Variants in STAB1 observed in about 807,000 individuals in gnomAD.
STAB1 encodes stabilin 1.
A neutral mutation model predicts 332.4 loss-of-function variants in STAB1; 250 were observed. The ratio of observed to expected loss-of-function variants is 0.75; its 90% CI spans 0.68 to 0.84. STAB1 has a LOEUF of 0.84. STAB1 is among the 40% of genes least tolerant of loss of function. STAB1 has a pLI of 0.00. For synonymous variants in STAB1, 1,475 were observed against 1,390.4 expected (o/e 1.06, Z -1.35); for missense variants, 3,249 against 3,489.7 (o/e 0.93, Z 1.74).
Position 52,508,138 on chromosome 3 carries a change from C to T in STAB1, c.2148+112C>T, listed in dbSNP as rs1329551886. On this transcript the variant is annotated intron_variant, in intron 20 of 68. Coordinates refer to ENST00000321725, the MANE Select transcript of STAB1 (RefSeq NM_015136.3). Reference sequence around the variant, plus strand: ...CCTCCCTCAGAGGATGCACTGCAGCCTGACGGTGGAAAAGGGGTCCCAGAG... The same window carrying T: ...CCTCCCTCAGAGGATGCACTGCAGCTTGACGGTGGAAAAGGGGTCCCAGAG... 7.6e-5 allele frequency: 104 copies of T among 1,370,934 alleles called. No homozygotes were observed. The East Asian group carries it at 2.3e-3, about 31-fold the overall frequency. The allele number at this position is 1,370,934 out of a possible 1,614,324, so 84.9% of individuals were successfully genotyped here.
Position 52,514,204 on chromosome 3 carries a change from C to T in STAB1, c.3537C>T (p.Ser1179=). 6.2e-7 allele frequency: 1 copy of T among 1,613,172 alleles called. No homozygotes were observed. The highest frequency in any genetic ancestry group is 1.3e-5 in the African/African-American group (1 of 75,046). ...GCTCCCTGGAGGCCCAGGGCAACAG[C>T]AGTCACCTGGTGAGGCCGTGGGGAT... ...TNRSLEAQGN[S]SHLDADTVRH... Residue 1179 remains serine (S), a synonymous_variant, in exon 33 of 69, where the codon AGC becomes AGT. Coordinates refer to ENST00000321725, the MANE Select transcript of STAB1 (RefSeq NM_015136.3).
chr3:52,504,637 A>G lies in STAB1; in HGVS notation c.1239+88A>G, dbSNP rs1708709932. ...CAGTCTTCAGGGCCACCTGGAAGGCATCAGGGCCTGGGATGCATCCTGTCC... is the reference window on the plus strand; with the variant it reads ...CAGTCTTCAGGGCCACCTGGAAGGCGTCAGGGCCTGGGATGCATCCTGTCC... On this transcript the variant is annotated intron_variant, in intron 11 of 68. Coordinates refer to ENST00000321725, the MANE Select transcript of STAB1 (RefSeq NM_015136.3). The G allele has an allele frequency of 1.9e-6, 3 of 1,611,930 alleles. No homozygotes were observed. The East Asian group carries it at 6.7e-5, about 36-fold the overall frequency.
Position 52,518,755 on chromosome 3 carries a change from G to A in STAB1, c.4920G>A (p.Gln1640=), listed in dbSNP as rs370087254. The change falls in exon 48 of 69, where the codon CAG becomes CAA. Residue 1640 remains glutamine (Q), a synonymous_variant. Coordinates refer to ENST00000321725, the MANE Select transcript of STAB1 (RefSeq NM_015136.3). The part of the protein sequence containing the change: ...DELARIRAHR[Q]LVFRYHVVGC... ...TGGCCCGGATTCGTGCGCATCGCCA[G>A]CTGGTGTTTCGCTACCACGTGGTTG... The A allele has an allele frequency of 9.3e-6, 15 of 1,612,566 alleles. No homozygotes were observed. Among genetic ancestry groups the A allele is most frequent in the Non-Finnish European group, 1.2e-5 (14 of 1,179,826 alleles).
In STAB1 at chr3:52,519,486, T is replaced by G. The variant is rs768318110; in HGVS notation, c.5176-19T>G. 6.2e-7 allele frequency: 1 copy of G among 1,613,094 alleles called. No individual in the cohort carries two copies. Among genetic ancestry groups the G allele is most frequent in the South Asian group, 1.1e-5 (1 of 91,092 alleles). ...TCCCTTCCCGCCTGGCCTAGCTGTTTATGAGAGCCTTTCCTCAGAGAAATG... is the reference window on the plus strand; with the variant it reads ...TCCCTTCCCGCCTGGCCTAGCTGTTGATGAGAGCCTTTCCTCAGAGAAATG... On this transcript the variant is annotated intron_variant, in intron 49 of 68. Transcript: ENST00000321725.
chr3:52,497,394 G>A (rs568145649), intron 1 of STAB1, among the ~76,000 whole-genome samples: 16 of 144,162 alleles, frequency 1.1e-4, no homozygotes, highest in Non-Finnish European at 1.8e-4. Context: ...TAGATTATAT[G>A]TGAATTCGAT....
chr3:52,518,425 C>A (rs1318889612), intron 46 of STAB1, 66 bp downstream of exon 46: 9 of 1,585,948 alleles, frequency 5.7e-6, no homozygotes, highest in Non-Finnish European at 7.7e-6. Flanking sequence ...CTGTCCCCAT[C>A]TGGTCAGGGG....
At position 52,503,325 on chromosome 3, in the gene STAB1, T is replaced by G; in HGVS notation, c.695-19T>G. The G allele has an allele frequency of 6.3e-7, 1 of 1,594,510 alleles. No homozygotes were observed. Among genetic ancestry groups the G allele is most frequent in the Non-Finnish European group, 8.6e-7 (1 of 1,168,788 alleles). On this transcript the variant is annotated intron_variant, in intron 7 of 68. Transcript: ENST00000321725. ...TCCTGGGTGCTTGGCTCACTTGGGCTCTCTCTCTGCCCTGGCAGCCCCCAA... is the reference window on the plus strand; with the variant it reads ...TCCTGGGTGCTTGGCTCACTTGGGCGCTCTCTCTGCCCTGGCAGCCCCCAA...
At position 52,521,463 on chromosome 3, in the gene STAB1, C is replaced by A; in HGVS notation, c.6011C>A (p.Thr2004Lys). 6 of 1,614,042 alleles carry A rather than the reference C, an allele frequency of 3.7e-6. No homozygotes were observed. Among genetic ancestry groups the A allele is most frequent in the Non-Finnish European group, 5.1e-6 (6 of 1,180,026 alleles). Residue 2004 changes from threonine to lysine, a missense_variant, in exon 56 of 69, where the codon ACA (threonine) becomes AAA (lysine). By Grantham distance (78) the Thr-to-Lys change is moderately conservative. Coordinates refer to ENST00000321725, the MANE Select transcript of STAB1 (RefSeq NM_015136.3). ...CTGTGCCGTTCAGGTTTTGCTGGGA[C>A]AGCCTGTGAACTCTGTGCTCCTGGT... The part of the protein sequence containing the change: ...QCLCRSGFAG[T>K]ACELCAPGAF...
At chr3:52,514,892 C>G (rs1419926492) in intron 35 of STAB1, 63 bp downstream of exon 35, 14 of 1,612,548 alleles carry the variant, frequency 8.7e-6, no homozygotes, top group Non-Finnish European at 1.2e-5. Context: ...GCCTAGCTGA[C>G]CTGACTAGTG....
In STAB1 at chr3:52,518,778, T is replaced by G; in HGVS notation, c.4943T>G (p.Val1648Gly). 6.2e-7 allele frequency: 1 copy of G among 1,612,436 alleles called. No individual in the cohort carries two copies. Among genetic ancestry groups the G allele is most frequent in the South Asian group, 1.1e-5 (1 of 91,074 alleles). ...HRQLVFRYHV[V>G]GCRRLRSEDL... Reference sequence around the variant, plus strand: ...CAGCTGGTGTTTCGCTACCACGTGGTTGGCTGTCGGCGGCTGCGGAGCGAG... The same window carrying G: ...CAGCTGGTGTTTCGCTACCACGTGGGTGGCTGTCGGCGGCTGCGGAGCGAG... The change falls in exon 48 of 69, where the codon GTT (valine) becomes GGT (glycine). Residue 1648 changes from valine to glycine, a missense_variant. Val to Gly is a moderately radical substitution (Grantham distance 109, BLOSUM62 -3). Transcript: ENST00000321725.
chr3:52,497,558 G>A (rs112656829), intron 1 of STAB1, among the ~76,000 whole-genome samples: 21 of 151,924 alleles, frequency 1.4e-4, no homozygotes, highest in South Asian at 6.3e-4. Context: ...GACTACAGGC[G>A]CACACCACCA....
intron 40 of STAB1, 29 bp from the exon 41 acceptor site, chr3:52,516,663 G>A (rs1306600681): frequency 6.2e-7 from 1 of 1,612,418 alleles, no homozygotes; most frequent in Admixed American, 1.7e-5. Context: ...GACAGGCATG[G>A]GCTAAGCTGC....
chr3:52,501,413 C>T (rs1708433334), intron 2 of STAB1, 111 bp downstream of exon 2: 3 of 1,489,018 alleles, frequency 2.0e-6, no homozygotes, highest in Admixed American at 1.8e-5. Flanking sequence ...CTTATCCATG[C>T]CCCTGTGGCC....
At chr3:52,517,255 T>G (rs1575350451) in intron 42 of STAB1, 65 bp from the exon 43 acceptor site, 2 of 1,461,570 alleles carry the variant, frequency 1.4e-6, no homozygotes, top group Non-Finnish European at 1.8e-6. Context: ...CAGATGAAGG[T>G]ACAAAGGACA....
Position 52,510,211 on chromosome 3 carries a change from G to C in STAB1, c.2604G>C (p.Pro868=), listed in dbSNP as rs368046711. ...CACCTAGCAACCCCTGCTCCCACCC[G>C]GACCGTGGAGGCTGCTCAGAGAATG... The part of the protein sequence containing the change: ...SCTPSNPCSH[P]DRGGCSENAE... Residue 868 remains proline, a synonymous_variant, in exon 24 of 69, where the codon CCG becomes CCC. Coordinates refer to ENST00000321725, the MANE Select transcript of STAB1 (RefSeq NM_015136.3). 6.2e-6 allele frequency: 10 copies of C among 1,613,842 alleles called. No homozygotes were observed. In the Admixed American group the frequency reaches 1.2e-4, roughly 19 times the overall value.
In STAB1 at chr3:52,501,232, G is replaced by A. The variant is rs775536091; in HGVS notation, c.145G>A (p.Ala49Thr). ...VTHVPCTSCA[A>T]IKKQTCPSGW... ...TCATGTACCCTGCACCTCGTGCGCG[G>A]CCATCAAGAAGCAGACGTGTCCCTC... The change falls in exon 2 of 69, where the codon GCC becomes ACC. Residue 49 changes from alanine to threonine, a missense_variant. Coordinates refer to ENST00000321725, the MANE Select transcript of STAB1 (RefSeq NM_015136.3). 2 of 1,613,766 alleles carry A rather than the reference G, an allele frequency of 1.2e-6. No homozygotes were observed. The highest frequency in any genetic ancestry group is 2.2e-5 in the East Asian group (1 of 44,878).
intron 52 of STAB1, 54 bp downstream of exon 52, chr3:52,520,344 A>G: frequency 6.2e-7 from 1 of 1,612,882 alleles, no homozygotes; most frequent in Non-Finnish European, 8.5e-7. Flanking sequence ...GGGCCCTGGC[A>G]GTAGCAGCTG....
At chr3:52,514,855 C>T in intron 35 of STAB1, 26 bp downstream of exon 35, 1 of 1,612,814 alleles carries the variant, frequency 6.2e-7, no homozygotes. Flanking sequence ...CACAGGAAGG[C>T]CGGCACGGGA....
chr3:52,504,642 G>A (rs1708710367), intron 11 of STAB1, 93 bp downstream of exon 11: 1 of 1,611,620 alleles, frequency 6.2e-7, no homozygotes, highest in African/African-American at 1.3e-5. Flanking sequence ...AAGGCATCAG[G>A]GCCTGGGATG....
Sources: allele counts gnomAD v4.1 joint callset (sites outside exome capture counted in the v4.1 genomes callset), GRCh38; gene constraint gnomAD v4.1.1; transcripts MANE v1.5; gene names NCBI Gene and HGNC (gene_info 2026-07-23, HGNC 2026-07-21).